Variants in ALK observed in about 807,000 individuals in gnomAD.
The protein encoded by ALK is ALK tyrosine kinase receptor.
In ALK, 74 loss-of-function variants were observed where a neutral mutation model predicts 163.1. That is an observed-to-expected ratio of 0.45 (90% CI 0.38 to 0.55). The LOEUF (loss-of-function observed/expected upper bound fraction) is 0.55, where lower values mean the gene tolerates loss of function less well. Among genes scored for constraint, ALK ranks in the 20% least tolerant of loss-of-function variants. The pLI is 0.00. For missense variants in ALK, 2,063 were observed against 2,105.3 expected (o/e 0.98, Z 0.39); for synonymous variants, 960 against 843.2 (o/e 1.14, Z -2.40).
At chr2:29,770,903 TCACACACAGTCACA>T (rs1194252837) in intron 1 of ALK, among the ~76,000 whole-genome samples, 1 of 149,640 alleles carries the variant, frequency 6.7e-6, no homozygotes, top group East Asian at 2.0e-4. Context: ...ACACACAGTC[TCACACACAGTCACA>T]CACACGCAGT....
rs762569153 is a variant in ALK at position 29,320,780 on chromosome 2, A to G, written c.1517T>C (p.Leu506Pro). The G allele has an allele frequency of 3.1e-6, 5 of 1,614,038 alleles. No homozygotes were observed. The highest frequency in any genetic ancestry group is 4.2e-6 in the Non-Finnish European group (5 of 1,179,994). The change falls in exon 7 of 29, where the codon CTA becomes CCA. Residue 506 changes from leucine (L) to proline (P), a missense_variant. By Grantham distance (98) the Leu-to-Pro change is moderately conservative. Around this residue, in one of 5 missense-constraint regions of ALK, gnomAD observed 987 missense variants for 939.5 expected, o/e 1.05. Coordinates refer to ENST00000389048, the MANE Select transcript of ALK (RefSeq NM_004304.5). Reference sequence around the variant, plus strand: ...GTGGTCCTGGAACCGGGCATCCTTTAGGGTCCTGACCTGCCATTGAGGAGT... The same window carrying G: ...GTGGTCCTGGAACCGGGCATCCTTTGGGGTCCTGACCTGCCATTGAGGAGT... ...PHTPQWQVRT[L>P]KDARFQDHQD...
intron 4 of ALK, among the ~76,000 whole-genome samples, chr2:29,483,982 G>T (rs192054965): frequency 2.7e-4 from 41 of 152,322 alleles, no homozygotes; most frequent in South Asian, 1.2e-3. Context: ...AGGAGCAAAG[G>T]CATGTCTTAC....
intron 3 of ALK, among the ~76,000 whole-genome samples, chr2:29,652,407 A>C (rs1677061826): frequency 6.6e-6 from 1 of 152,210 alleles, no homozygotes; most frequent in East Asian, 1.9e-4. Flanking sequence ...ATTAAGAGCC[A>C]TGCTTTTCCA....
At chr2:29,613,836 T>C (rs1031207536) in intron 3 of ALK, among the ~76,000 whole-genome samples, 4 of 152,224 alleles carry the variant, frequency 2.6e-5, no homozygotes, top group Admixed American at 1.3e-4. Context: ...CCAGGTTACT[T>C]AGCTTTGCAG....
intron 4 of ALK, among the ~76,000 whole-genome samples, chr2:29,497,097 C>T (rs566439736): frequency 1.7e-4 from 26 of 152,178 alleles, no homozygotes; most frequent in African/African-American, 5.5e-4. Flanking sequence ...ATGGTGAAAC[C>T]CCGTCTCTAC....
intron 12 of ALK, among the ~76,000 whole-genome samples, chr2:29,248,572 A>C (rs570115800): frequency 6.6e-6 from 1 of 152,288 alleles, no homozygotes; most frequent in Non-Finnish European, 1.5e-5. Flanking sequence ...ACTAATTTGG[A>C]CACTTCGAAA....
chr2:29,384,039 C>T (rs1287954676), intron 4 of ALK, among the ~76,000 whole-genome samples, 180 bp from the exon 5 acceptor site: 2 of 152,186 alleles, frequency 1.3e-5, no homozygotes, highest in African/African-American at 4.8e-5. Context: ...CATGCAAATA[C>T]TTATTTCCTT....
At chr2:29,730,752 A>G (rs373718624) in intron 1 of ALK, among the ~76,000 whole-genome samples, 208 of 152,314 alleles carry the variant, frequency 1.4e-3, no homozygotes, top group African/African-American at 1.8e-3. Flanking sequence ...AACTGGCCCA[A>G]GGGCTTCTGC....
At chr2:29,752,841 A>G (rs975613663) in intron 1 of ALK, among the ~76,000 whole-genome samples, 2 of 152,140 alleles carry the variant, frequency 1.3e-5, no homozygotes, top group African/African-American at 4.8e-5. Flanking sequence ...ACTGCTTTTC[A>G]AGGAGCGAAA....
chr2:29,600,362 C>T (rs535423840), intron 3 of ALK, among the ~76,000 whole-genome samples: 7 of 151,740 alleles, frequency 4.6e-5, no homozygotes, highest in South Asian at 2.1e-4. Context: ...AGATAAAGGA[C>T]GTAATAACAT....
At chr2:29,624,537 C>G (rs954792589) in intron 3 of ALK, among the ~76,000 whole-genome samples, 2 of 152,066 alleles carry the variant, frequency 1.3e-5, no homozygotes, top group African/African-American at 4.8e-5. Flanking sequence ...TAAGGAAGAA[C>G]TGCAGGGAAG....
intron 3 of ALK, among the ~76,000 whole-genome samples, chr2:29,615,857 T>G (rs1171725217): frequency 1.3e-5 from 2 of 152,206 alleles, no homozygotes; most frequent in Non-Finnish European, 2.9e-5. Context: ...AGGAATACCT[T>G]TTGCACTTCA....
intron 9 of ALK, among the ~76,000 whole-genome samples, chr2:29,292,840 A>T (rs982306571): frequency 1.3e-4 from 20 of 152,284 alleles, no homozygotes; most frequent in Non-Finnish European, 1.9e-4. Context: ...CATTCCATGG[A>T]TCAATGCCTC....
At chr2:29,840,876 C>G (rs1665679174) in intron 1 of ALK, among the ~76,000 whole-genome samples, 1 of 152,144 alleles carries the variant, frequency 6.6e-6, no homozygotes, top group African/African-American at 2.4e-5. Flanking sequence ...AAAACTGAGA[C>G]TTGGTGAAGT....
rs66469942 is a variant in ALK, at chr2:29,197,429, AG to A, written c.4073+112del. Reference sequence around the variant, plus strand: ...ACATTCGCATCTTGGGGCATATTAAAGGGAGGGCAGCCATCTGCCCCTTCAT... The same window carrying A: ...ACATTCGCATCTTGGGGCATATTAAAGGAGGGCAGCCATCTGCCCCTTCAT... On this transcript the variant is annotated intron_variant, in intron 27 of 28. Coordinates refer to ENST00000389048, the MANE Select transcript of ALK (RefSeq NM_004304.5). The A allele has an allele frequency of 4.4e-3, 6,641 of 1,502,764 alleles. 260 individuals are homozygous for A. In the African/African-American group the frequency reaches 0.081, roughly 18 times the overall value. 93.1% of individuals were successfully genotyped at this position (1,502,764 alleles called of 1,614,324 possible). A position where few individuals can be genotyped will look rare whatever the true frequency, so the allele number is the denominator to read the frequency against.
intron 5 of ALK, among the ~76,000 whole-genome samples, chr2:29,370,626 T>C (rs1668615351): frequency 6.6e-6 from 1 of 152,196 alleles, no homozygotes. Flanking sequence ...ATTATGACCA[T>C]GTGAGTTTCC....
intron 11 of ALK, among the ~76,000 whole-genome samples, chr2:29,261,210 T>A (rs1051320762): frequency 6.6e-6 from 1 of 152,242 alleles, no homozygotes; most frequent in Non-Finnish European, 1.5e-5. Flanking sequence ...CTGTCTTATA[T>A]CTTGTACAGA....
chr2:29,251,706 A>G (rs72790270), intron 11 of ALK, among the ~76,000 whole-genome samples: 17,959 of 152,254 alleles, frequency 0.12, 1,120 homozygotes, highest in Middle Eastern at 0.24. Context: ...TGCTGGGCAA[A>G]CAACAGGTGC....
chr2:29,744,069 C>T (rs76922440), intron 1 of ALK, among the ~76,000 whole-genome samples: 2,243 of 152,094 alleles, frequency 0.015, 26 homozygotes, highest in Non-Finnish European at 0.022. Flanking sequence ...ATGCAAAATA[C>T]CTAAATCTTG....
Sources: allele counts gnomAD v4.1 joint callset (sites outside exome capture counted in the v4.1 genomes callset), GRCh38; gene constraint gnomAD v4.1.1; regional missense constraint gnomAD v4.1.1; transcripts MANE v1.5; gene names NCBI Gene and HGNC (gene_info 2026-07-23, HGNC 2026-07-21).